Variants in P2RX5 observed in about 807,000 individuals in gnomAD.
The protein encoded by P2RX5 is purinergic receptor P2X 5, also known as P2X purinoceptor 5.
A neutral mutation model predicts 54.1 loss-of-function variants in P2RX5; 46 were observed. The ratio of observed to expected loss-of-function variants is 0.85; its 90% CI spans 0.67 to 1.09. The LOEUF is 1.09. Ranked by LOEUF, P2RX5 falls within the 50% of genes least tolerant of loss-of-function variation. The pLI is 0.00. For missense variants in P2RX5, 566 were observed against 549.8 expected (o/e 1.03, Z -0.29); for synonymous variants, 226 against 226.4 (o/e 1.00, Z 0.02).
intron 7 of P2RX5, among the ~76,000 whole-genome samples, chr17:3,689,215 C>T (rs2050533276): frequency 6.7e-6 from 1 of 150,306 alleles, no homozygotes; most frequent in Admixed American, 6.6e-5. Context: ...CTTTGCAGGG[C>T]CACCCTCGCC....
upstream of P2RX5, among the ~76,000 whole-genome samples, chr17:3,697,606 G>T (rs2050783881): frequency 6.6e-6 from 1 of 152,202 alleles, no homozygotes; most frequent in Non-Finnish European, 1.5e-5. Context: ...CAGTTTCAAA[G>T]TGCATGGGAA....
the P2RX5 span, among the ~76,000 whole-genome samples, chr17:3,703,312 G>GT: frequency 2.6e-5 from 4 of 152,028 alleles, no homozygotes; most frequent in Admixed American, 6.6e-5. Flanking sequence ...AGAGACCAGC[G>GT]TGGACAACGA....
chr17:3,718,769 G>A, the P2RX5 span, among the ~76,000 whole-genome samples: 1 of 152,210 alleles, frequency 6.6e-6, no homozygotes, highest in Non-Finnish European at 1.5e-5. Context: ...GGGGGCATGG[G>A]AAGGGAGAAA....
At chr17:3,703,321 G>A in the P2RX5 span, among the ~76,000 whole-genome samples, 2 of 151,986 alleles carry the variant, frequency 1.3e-5, no homozygotes, top group Non-Finnish European at 2.9e-5. Flanking sequence ...CGTGGACAAC[G>A]AAGTGAGACT....
Position 3,689,498 on chromosome 17 carries a change from G to A in P2RX5, c.747C>T (p.Ala249=). ...RWAGSDFQDI[A]LEGGVIGINI... is the part of the protein sequence containing the mutation. Reference sequence around the variant, plus strand: ...CTGCGTGCACCCCACCCACCTCCAGGGCTATATCCTGGAAGTCGCTCCCGG... The same window carrying A: ...CTGCGTGCACCCCACCCACCTCCAGAGCTATATCCTGGAAGTCGCTCCCGG... Residue 249 remains alanine, a synonymous_variant, in exon 7 of 12, where the codon GCC becomes GCT. Coordinates refer to ENST00000225328, the MANE Select transcript of P2RX5 (RefSeq NM_002561.4). The A allele has an allele frequency of 6.2e-7, 1 of 1,614,084 alleles. No individual in the cohort carries two copies. Among genetic ancestry groups the A allele is most frequent in the Non-Finnish European group, 8.5e-7 (1 of 1,180,004 alleles).
At chr17:3,684,040 C>T (rs1350916919) in intron 9 of P2RX5, among the ~76,000 whole-genome samples, 1 of 152,262 alleles carries the variant, frequency 6.6e-6, no homozygotes, top group Non-Finnish European at 1.5e-5. Flanking sequence ...GCACTGACCA[C>T]TCCCATGGCT....
At chr17:3,677,958 T>C (rs2050141563) in intron 11 of P2RX5, 9 of 985,432 alleles carry the variant, frequency 9.1e-6, no homozygotes, top group Non-Finnish European at 1.1e-5. Context: ...TCAGGAGAGA[T>C]GGCTGTGCCT....
At chr17:3,689,858 G>A (rs989124212) in intron 6 of P2RX5, among the ~76,000 whole-genome samples, 3 of 151,076 alleles carry the variant, frequency 2.0e-5, no homozygotes, top group African/African-American at 4.9e-5. Flanking sequence ...ACGCGTGCAC[G>A]CACGCACACA....
the P2RX5 span, among the ~76,000 whole-genome samples, chr17:3,711,029 T>C: frequency 6.6e-6 from 1 of 152,210 alleles, no homozygotes; most frequent in Non-Finnish European, 1.5e-5. Flanking sequence ...AGAGTGGCCC[T>C]ATGGCATGAC....
intron 9 of P2RX5, among the ~76,000 whole-genome samples, chr17:3,684,618 C>T (rs2050380972): frequency 6.9e-6 from 1 of 144,894 alleles, no homozygotes; most frequent in Non-Finnish European, 1.5e-5. Flanking sequence ...TCAACATCCT[C>T]AGGGTCTGGG....
chr17:3,705,979 A>G, the P2RX5 span, among the ~76,000 whole-genome samples: 3 of 150,564 alleles, frequency 2.0e-5, no homozygotes, highest in African/African-American at 4.9e-5. Context: ...TTTTTAAGAC[A>G]GAGTCTCACT....
chr17:3,706,890 G>A, the P2RX5 span, among the ~76,000 whole-genome samples: 5 of 152,196 alleles, frequency 3.3e-5, no homozygotes, highest in African/African-American at 4.8e-5. Context: ...GATTACAGGC[G>A]TGCGCCACTG....
At chr17:3,701,764 T>G in the P2RX5 span, among the ~76,000 whole-genome samples, 757 of 115,578 alleles carry the variant, frequency 6.5e-3, 38 homozygotes, top group Admixed American at 0.054. Flanking sequence ...TTTTTTTGTT[T>G]TTTTTTTTTA....
intron 7 of P2RX5, among the ~76,000 whole-genome samples, chr17:3,689,030 G>C (rs1219381169): frequency 1.3e-5 from 2 of 152,246 alleles, no homozygotes; most frequent in Non-Finnish European, 2.9e-5. Flanking sequence ...ACTCCAGCCA[G>C]CATGTGCCAA....
rs747518903 is a variant in P2RX5 at position 3,690,206 on chromosome 17, C to G, written c.534-56G>C. The G allele has an allele frequency of 2.0e-6, 3 of 1,506,852 alleles. No individual in the cohort carries two copies. The African/African-American group carries it at 4.1e-5, about 21-fold the overall frequency. The allele number at this position is 1,506,852 out of a possible 1,614,324, so 93.3% of individuals were successfully genotyped here. ...GAGGCCCCACCCCTGTGCCCCTCCC[C>G]CAGGCCTGGGCCAGTGTGAGGCCTG... is the stretch of plus-strand genomic sequence containing the variant. On this transcript the variant is annotated intron_variant, in intron 5 of 11. Coordinates refer to ENST00000225328, the MANE Select transcript of P2RX5 (RefSeq NM_002561.4).
In P2RX5 at chr17:3,673,858, C is replaced by G. The variant is rs367761733; in HGVS notation, c.*10G>C. On this transcript the variant is annotated 3_prime_UTR_variant, in exon 12 of 12. Transcript: ENST00000225328. ...GTTTAGGACAGGGCCTGAACGTAAG[C>G]AGAGGCAATTCACGTGCTCCTGGAA... is the stretch of plus-strand genomic sequence containing the variant. 2.5e-5 allele frequency: 41 copies of G among 1,612,932 alleles called. No homozygotes were observed. The highest frequency in any genetic ancestry group is 1.9e-4 in the Middle Eastern group (1 of 5,370).
intron 11 of P2RX5, chr17:3,676,683 G>T: frequency 1.0e-5 from 6 of 578,260 alleles, no homozygotes; most frequent in African/African-American, 4.0e-5. Context: ...GAATCTTGTT[G>T]AAACACAGGT....
chr17:3,674,008 C>T, intron 11 of P2RX5, 131 bp from the exon 12 acceptor site: 1 of 916,014 alleles, frequency 1.1e-6, no homozygotes, highest in Non-Finnish European at 1.8e-6. Context: ...CACTTCTCCC[C>T]ATTTAAAAGC....
At chr17:3,714,968 G>A in the P2RX5 span, 1 of 1,390,864 alleles carries the variant, frequency 7.2e-7, no homozygotes, top group East Asian at 2.3e-5. Flanking sequence ...GAAAAGTCCA[G>A]TTACAGGCCA....
Sources: gnomAD v4.1 joint callset for allele counts (sites outside exome capture counted in the v4.1 genomes callset) on GRCh38, gnomAD v4.1.1 for gene constraint, MANE v1.5 for transcripts, NCBI Gene and HGNC (gene_info 2026-07-23, HGNC 2026-07-21) for gene names.